Variants in FBXW4 observed in about 807,000 individuals in gnomAD.
FBXW4 encodes the protein F-box and WD repeat domain containing 4.
A neutral mutation model predicts 61.8 loss-of-function variants in FBXW4; 40 were observed. That is an observed-to-expected ratio of 0.65 (90% CI 0.50 to 0.84). The LOEUF is 0.84. Ranked by LOEUF, FBXW4 falls within the 40% of genes least tolerant of loss-of-function variation. The pLI is 0.00. For synonymous variants in FBXW4, 311 were observed against 313.8 expected (o/e 0.99, Z 0.10); for missense variants, 672 against 753.8 (o/e 0.89, Z 1.27).
chr10:101,650,732 C>T (rs1188042159), intron 5 of FBXW4, among the ~76,000 whole-genome samples: 2 of 152,154 alleles, frequency 1.3e-5, no homozygotes, highest in African/African-American at 4.8e-5. Flanking sequence ...CCTCTAGGGC[C>T]GAAGACCCTC....
Position 101,611,664 on chromosome 10 carries a change from TACA to T in FBXW4, c.1545_1547del (p.Val516del). 1 of 1,614,156 alleles carries T rather than the reference TACA, an allele frequency of 6.2e-7. No individual in the cohort carries two copies. Among genetic ancestry groups the T allele is most frequent in the Non-Finnish European group, 8.5e-7 (1 of 1,180,018 alleles). On this transcript the variant is annotated inframe_deletion, in exon 8 of 9. Coordinates refer to ENST00000331272, the MANE Select transcript of FBXW4 (RefSeq NM_022039.4). This position sits in a 1 kb window ranked among gnomAD's most constrained non-coding sequence, Gnocchi z 4.9. Reference sequence around the variant, plus strand: ...CCCTTTGACGCCGGTCCCACAGCCGTACAACACCGTAGTAGGAGGAACCTGTGG... The same window carrying T: ...CCCTTTGACGCCGGTCCCACAGCCGTACACCGTAGTAGGAGGAACCTGTGG...
chr10:101,670,806 A>G (rs1029708538), intron 4 of FBXW4, among the ~76,000 whole-genome samples: 29 of 152,262 alleles, frequency 1.9e-4, no homozygotes, highest in African/African-American at 6.8e-4. Flanking sequence ...GGCTGGCCCC[A>G]CTAAAGCCCA....
In FBXW4 at chr10:101,611,361, C is replaced by T. The variant is rs148012023; in HGVS notation, c.1634G>A (p.Arg545His). 3.2e-5 allele frequency: 51 copies of T among 1,613,954 alleles called. No individual in the cohort carries two copies. In the African/African-American group the frequency reaches 4.5e-4, roughly 14 times the overall value. The change falls in exon 9 of 9, where the codon CGT becomes CAT. Residue 545 changes from arginine (R) to histidine (H), a missense_variant. Around this residue, in one of 5 missense-constraint regions of FBXW4, gnomAD observed 312 missense variants for 370.1 expected, o/e 0.84. Transcript: ENST00000331272. This position sits in a 1 kb window ranked among gnomAD's most constrained non-coding sequence, Gnocchi z 4.9. ...AGCATAGAGATGCTTGGTGGTGAGA[C>T]GCAGGCAGTACACAGGGCTGCTGAG... ...TPLSSPVYCL[R>H]LTTKHLYAAL...
chr10:101,650,589 G>A (rs963910543), intron 5 of FBXW4, among the ~76,000 whole-genome samples: 2 of 152,224 alleles, frequency 1.3e-5, no homozygotes, highest in Non-Finnish European at 2.9e-5. Flanking sequence ...TGCCAAGCAA[G>A]TGTGTGCTCG....
intron 5 of FBXW4, among the ~76,000 whole-genome samples, chr10:101,637,585 G>A (rs370310236): frequency 6.7e-6 from 1 of 150,292 alleles, no homozygotes; most frequent in Non-Finnish European, 1.5e-5. Context: ...GTGCATGCCT[G>A]TAATCCCATC....
chr10:101,643,609 T>C (rs1435651567), intron 5 of FBXW4, among the ~76,000 whole-genome samples: 3 of 152,200 alleles, frequency 2.0e-5, no homozygotes, highest in Non-Finnish European at 2.9e-5. Flanking sequence ...TCCACACAGA[T>C]CCTGTAGACA....
At chr10:101,639,005 G>A (rs980999975) in intron 5 of FBXW4, among the ~76,000 whole-genome samples, 9 of 152,218 alleles carry the variant, frequency 5.9e-5, no homozygotes, top group African/African-American at 1.9e-4. Context: ...GTACACAATA[G>A]GTAAAGCCTA....
chr10:101,627,199 A>C lies in FBXW4; in HGVS notation c.1236-2389T>G, dbSNP rs75811036. Reference sequence around the variant, plus strand: ...ACCACTGGCGCTCAGCCTCCTGTGAAGTGCTTTCTTAACTGCCTAGATGTG... The same window carrying C: ...ACCACTGGCGCTCAGCCTCCTGTGACGTGCTTTCTTAACTGCCTAGATGTG... On this transcript the variant is annotated intron_variant, in intron 5 of 8. Transcript: ENST00000331272. Among the ~76,000 whole-genome samples, 34 of 152,172 alleles carry C rather than the reference A, an allele frequency of 2.2e-4. 1 individual carries two copies. In the East Asian group the frequency reaches 6.2e-3, roughly 28 times the overall value.
At chr10:101,673,384 C>G in intron 3 of FBXW4, 104 bp downstream of exon 3, 1 of 1,298,036 alleles carries the variant, frequency 7.7e-7, no homozygotes, top group Non-Finnish European at 1.1e-6. Context: ...CTTCTGGTCT[C>G]CCTCCTCATC....
chr10:101,658,627 G>C (rs1287357483), intron 5 of FBXW4, among the ~76,000 whole-genome samples: 1 of 152,114 alleles, frequency 6.6e-6, no homozygotes, highest in African/African-American at 2.4e-5. Context: ...CTGAAAATCT[G>C]CTCCAAGTGG....
chr10:101,635,340 T>A (rs984293955), intron 5 of FBXW4, among the ~76,000 whole-genome samples: 2 of 151,866 alleles, frequency 1.3e-5, no homozygotes, highest in Non-Finnish European at 2.9e-5. Context: ...TTTCATTATA[T>A]ATTACAATAT....
At chr10:101,678,526 C>A (rs2064439867) in intron 1 of FBXW4, among the ~76,000 whole-genome samples, 1 of 152,336 alleles carries the variant, frequency 6.6e-6, no homozygotes, top group East Asian at 1.9e-4. Context: ...CTCGGGTTCA[C>A]ATCACTCTCC....
At chr10:101,683,573 C>T (rs1164651489) in intron 1 of FBXW4, among the ~76,000 whole-genome samples, 3 of 152,144 alleles carry the variant, frequency 2.0e-5, no homozygotes, top group Non-Finnish European at 4.4e-5. Context: ...AATGACCTTT[C>T]ATTTCCCCTC....
chr10:101,659,333 G>A (rs548515087), intron 5 of FBXW4: 1 of 952,050 alleles, frequency 1.1e-6, no homozygotes, highest in African/African-American at 1.8e-5. Flanking sequence ...AGTCATGGAT[G>A]GTTTGAGTGG....
chr10:101,633,756 T>C (rs1323634100), intron 5 of FBXW4, among the ~76,000 whole-genome samples: 2 of 152,178 alleles, frequency 1.3e-5, no homozygotes, highest in Non-Finnish European at 2.9e-5. Flanking sequence ...AGTGTTATTA[T>C]ATATCAGCAA....
chr10:101,615,811 G>A (rs1250166345), intron 6 of FBXW4, among the ~76,000 whole-genome samples: 7 of 152,128 alleles, frequency 4.6e-5, no homozygotes, highest in African/African-American at 1.7e-4. Context: ...TGCTAAGCTG[G>A]ACTGGGCACA....
At chr10:101,686,833 A>G (rs1435898906) in intron 1 of FBXW4, among the ~76,000 whole-genome samples, 4 of 152,130 alleles carry the variant, frequency 2.6e-5, no homozygotes, top group African/African-American at 7.2e-5. Context: ...GGCCATTATG[A>G]TAAAGTCAAA....
At chr10:101,619,436 A>C (rs2063850659) in intron 6 of FBXW4, among the ~76,000 whole-genome samples, 1 of 152,140 alleles carries the variant, frequency 6.6e-6, no homozygotes, top group South Asian at 2.1e-4. Context: ...AGGCAGGTGG[A>C]TCACGAGGTC....
intron 5 of FBXW4, among the ~76,000 whole-genome samples, chr10:101,651,896 G>A (rs908681137): frequency 6.6e-6 from 1 of 152,012 alleles, no homozygotes; most frequent in Non-Finnish European, 1.5e-5. Context: ...AGGGGGCCGC[G>A]GCCCTCTCCC....
Sources: gnomAD v4.1 joint callset for allele counts (sites outside exome capture counted in the v4.1 genomes callset) on GRCh38, gnomAD v4.1.1 for gene constraint, gnomAD v4.1.1 regional missense constraint, Gnocchi (gnomAD v3.1) non-coding constraint, MANE v1.5 for transcripts, NCBI Gene and HGNC (gene_info 2026-07-23, HGNC 2026-07-21) for gene names.